The following SAFB2 variants were observed in gnomAD, a reference collection of about 807,000 sequenced individuals.
SAFB2 encodes scaffold attachment factor B2.
SAFB2 carries 32 observed loss-of-function variants against 100.6 expected under a neutral mutation model. The observed-to-expected ratio is 0.32, with a 90% confidence interval of 0.24 to 0.43. The LOEUF is 0.43. Among genes scored for constraint, SAFB2 ranks in the 20% least tolerant of loss-of-function variants. SAFB2 has a pLI of 1.00. For missense variants in SAFB2, 1,185 were observed against 1,163.4 expected (o/e 1.02, Z -0.27); for synonymous variants, 500 against 439.4 (o/e 1.14, Z -1.72).
rs4807792 is a variant in SAFB2, at chr19:5,587,530, G to A, written c.2706-131C>T. The A allele has an allele frequency of 0.016, 23,192 of 1,472,674 alleles. 243 individuals carry two copies. The highest frequency in any genetic ancestry group is 0.023 in the Admixed American group (954 of 41,060). The allele number at this position is 1,472,674 out of a possible 1,614,324, so 91.2% of individuals were successfully genotyped here. On this transcript the variant is annotated intron_variant, in intron 20 of 20. Transcript: ENST00000252542. The surrounding 1 kb of genome is among the most constrained non-coding windows in gnomAD (Gnocchi z 4.9). ...TTTCCAGGTGAGAAAAATCATCATC[G>A]CACATTGTATTCCAGGTAACTCAAG...
At chr19:5,622,032 G>C (rs748781750) in intron 1 of SAFB2, among the ~76,000 whole-genome samples, 7 of 152,256 alleles carry the variant, frequency 4.6e-5, no homozygotes, top group Non-Finnish European at 1.0e-4. Flanking sequence ...GTCTCAGGCA[G>C]ACCCAAAATG....
intron 1 of SAFB2, among the ~76,000 whole-genome samples, chr19:5,622,194 G>A (rs1438552926): frequency 6.6e-6 from 1 of 152,212 alleles, no homozygotes; most frequent in Non-Finnish European, 1.5e-5. Flanking sequence ...GGAAACTGAG[G>A]CACAGAGAGA....
intron 11 of SAFB2, among the ~76,000 whole-genome samples, chr19:5,600,464 T>C (rs1376194388): frequency 6.6e-6 from 1 of 152,214 alleles, no homozygotes; most frequent in Non-Finnish European, 1.5e-5. Flanking sequence ...TTCTAGTATG[T>C]GCTGAATTGA....
At chr19:5,622,044 C>A (rs940098502) in intron 1 of SAFB2, among the ~76,000 whole-genome samples, 1 of 152,234 alleles carries the variant, frequency 6.6e-6, no homozygotes, top group African/African-American at 2.4e-5. Context: ...CCCAAAATGA[C>A]AACAAGGGGC....
intron 15 of SAFB2, among the ~76,000 whole-genome samples, chr19:5,593,370 G>C (rs1209956148): frequency 1.3e-5 from 2 of 152,200 alleles, no homozygotes; most frequent in Admixed American, 1.3e-4. Context: ...ATTTTTACCA[G>C]AAAACTAGGC....
At chr19:5,616,643 CTTTTTTTT>C (rs60033130) in intron 2 of SAFB2, among the ~76,000 whole-genome samples, 157 bp from the exon 3 acceptor site, 7 of 72,798 alleles carry the variant, frequency 9.6e-5, no homozygotes, top group East Asian at 8.9e-4. Context: ...AATTTGTTTT[CTTTTTTTT>C]TTTTTTTTTT....
intron 2 of SAFB2, among the ~76,000 whole-genome samples, chr19:5,619,657 T>A (rs566409144): frequency 1.9e-4 from 29 of 152,014 alleles, no homozygotes; most frequent in Non-Finnish European, 3.2e-4. Flanking sequence ...CTGGCCAACA[T>A]GGATGGTGAA....
At position 5,622,769 on chromosome 19, in the gene SAFB2, G is replaced by A. The variant is rs1009882504; in HGVS notation, c.-54C>T. 1.3e-6 allele frequency: 2 copies of A among 1,543,606 alleles called. No homozygotes were observed. Among genetic ancestry groups the A allele is most frequent in the African/African-American group, 1.4e-5 (1 of 73,158 alleles). ...CAGTCGCACACCGCCGGCAGCTATA[G>A]CGGCTCTGAACACAAAATGGCGCCG... On this transcript the variant is annotated 5_prime_UTR_variant, in exon 1 of 21. Coordinates refer to ENST00000252542, the MANE Select transcript of SAFB2 (RefSeq NM_014649.3).
intron 12 of SAFB2, among the ~76,000 whole-genome samples, chr19:5,599,549 T>C (rs1599244468): frequency 6.6e-6 from 1 of 152,274 alleles, no homozygotes; most frequent in Non-Finnish European, 1.5e-5. Flanking sequence ...ATGGTTGGGT[T>C]TTGTCTCTGT....
chr19:5,620,503 G>A (rs1465360170), intron 2 of SAFB2, among the ~76,000 whole-genome samples: 1 of 152,182 alleles, frequency 6.6e-6, no homozygotes, highest in Non-Finnish European at 1.5e-5. Flanking sequence ...CCATAAACAG[G>A]AATGAAGTAT....
At position 5,612,158 on chromosome 19, in the gene SAFB2, TA is replaced by T. The variant is rs367917771; in HGVS notation, c.634+381del. The T allele has an allele frequency of 5.8e-4, 196 of 340,540 alleles. 1 individual carries two copies. The highest frequency in any genetic ancestry group is 4.0e-3 in the African/African-American group (186 of 46,998). 21.1% of individuals were successfully genotyped at this position (340,540 alleles called of 1,614,324 possible). A position where few individuals can be genotyped will look rare whatever the true frequency, so the allele number is the denominator to read the frequency against. ...TGGAATCCAGTCACTTCTCAGGTGG[TA>T]AGTGCCCTGACAACAGCTTTATCCT... On this transcript the variant is annotated intron_variant, in intron 6 of 20. Transcript: ENST00000252542.
intron 7 of SAFB2, 195 bp downstream of exon 7, chr19:5,610,925 T>C: frequency 2.9e-6 from 2 of 693,244 alleles, no homozygotes; most frequent in South Asian, 4.1e-5. Flanking sequence ...AACACAACCA[T>C]GGTAGGTTGA....
chr19:5,616,674 T>TA (rs2053040661), intron 2 of SAFB2, among the ~76,000 whole-genome samples, 188 bp from the exon 3 acceptor site: 3 of 114,232 alleles, frequency 2.6e-5, no homozygotes, highest in Admixed American at 1.2e-4. Flanking sequence ...TTTTTTGAGA[T>TA]GGAGTCTCCC....
At chr19:5,621,252 A>G in intron 2 of SAFB2, 57 bp downstream of exon 2, 1 of 1,148,850 alleles carries the variant, frequency 8.7e-7, no homozygotes, top group South Asian at 1.2e-5. Flanking sequence ...AGCACACTAC[A>G]CACCATTTCT....
At chr19:5,617,537 T>A (rs149469538) in intron 2 of SAFB2, among the ~76,000 whole-genome samples, 4 of 152,182 alleles carry the variant, frequency 2.6e-5, no homozygotes, top group African/African-American at 9.6e-5. Context: ...TGTCCTATTA[T>A]ACCTGTTAAA....
At chr19:5,614,233 G>A (rs1173229974) in intron 4 of SAFB2, among the ~76,000 whole-genome samples, 1 of 152,160 alleles carries the variant, frequency 6.6e-6, no homozygotes, top group Non-Finnish European at 1.5e-5. Context: ...GATTACAGGT[G>A]TGAGCCACCG....
intron 11 of SAFB2, among the ~76,000 whole-genome samples, chr19:5,603,206 T>C (rs2052701492): frequency 1.3e-5 from 2 of 152,290 alleles, no homozygotes; most frequent in African/African-American, 4.8e-5. Flanking sequence ...AAGTCGAGGC[T>C]GTAATGAGCC....
chr19:5,591,906 T>A (rs1367490587), intron 16 of SAFB2, 113 bp from the exon 17 acceptor site: 1 of 1,010,116 alleles, frequency 9.9e-7, no homozygotes, highest in East Asian at 2.6e-5. Flanking sequence ...ATAAAAACTA[T>A]AACTGGCCTG....
In SAFB2 at chr19:5,622,629, C is replaced by T; in HGVS notation, c.87G>A (p.Arg29=). Reference sequence around the variant, plus strand: ...GATCGATCACCCGCAGCTCGCTGAGCCGCCTCGTCCCAGTCTCCGCAACGC... The same window carrying T: ...GATCGATCACCCGCAGCTCGCTGAGTCGCCTCGTCCCAGTCTCCGCAACGC... ...GPGVAETGTR[R]LSELRVIDLR... Residue 29 remains arginine, a synonymous_variant, in exon 1 of 21, where the codon CGG becomes CGA. Coordinates refer to ENST00000252542, the MANE Select transcript of SAFB2 (RefSeq NM_014649.3). 6.2e-7 allele frequency: 1 copy of T among 1,611,730 alleles called. No homozygotes were observed. Among genetic ancestry groups the T allele is most frequent in the Non-Finnish European group, 8.5e-7 (1 of 1,179,446 alleles).
Sources: allele counts gnomAD v4.1 joint callset (sites outside exome capture counted in the v4.1 genomes callset), GRCh38; gene constraint gnomAD v4.1.1; non-coding constraint Gnocchi (gnomAD v3.1); transcripts MANE v1.5; gene names NCBI Gene and HGNC (gene_info 2026-07-23, HGNC 2026-07-21).